SPHKAP: variants seen among roughly 807,000 people sequenced by gnomAD.
SPHKAP encodes A-kinase anchor protein SPHKAP.
A neutral mutation model predicts 137.5 loss-of-function variants in SPHKAP; 67 were observed. That is an observed-to-expected ratio of 0.49 (90% confidence interval 0.40 to 0.60). The LOEUF (loss-of-function observed/expected upper bound fraction) is 0.60. SPHKAP is among the 20% of genes least tolerant of loss of function. The probability of loss-of-function intolerance (pLI) is 0.00; values close to 1 mark genes in which losing one functional copy is unlikely to be tolerated. For synonymous variants in SPHKAP, 813 were observed against 785.3 expected, an observed-to-expected ratio of 1.04 and a Z score of -0.59; for missense variants, 2,097 against 2,069.3, an observed-to-expected ratio of 1.01 and a Z score of -0.26.
Position 228,022,004 on chromosome 2 carries a change from G to A in SPHKAP, c.442-38C>T, listed in dbSNP as rs550183283. On this transcript the variant is annotated intron_variant, in intron 5 of 11. Coordinates refer to ENST00000392056, the MANE Select transcript of SPHKAP (RefSeq NM_001142644.2). ...AGAAAAGAAGGCATTTATTCAAAAG[G>A]GAAAATAAAAGACTATTGCCTCTGA... 7.1e-5 allele frequency: 109 copies of A among 1,533,678 alleles called. No homozygotes were observed. The South Asian group carries it at 8.3e-4, about 12-fold the overall frequency.
Position 228,021,911 on chromosome 2 carries a change from T to A in SPHKAP, c.497A>T (p.Asn166Ile), listed in dbSNP as rs368288091. Residue 166 changes from asparagine to isoleucine, a missense_variant, in exon 6 of 12, where the codon AAC becomes ATC. Coordinates refer to ENST00000392056, the MANE Select transcript of SPHKAP (RefSeq NM_001142644.2). ...TTCAAAGATGATGCAGTTGGTACTG[T>A]TTGGTCTGTTCCCTCTTGCACATTG... ...LVQCARGNRP[N>I]STNCIIFEIN... 4 of 1,613,954 alleles carry A rather than the reference T, an allele frequency of 2.5e-6. No homozygotes were observed. Among genetic ancestry groups the A allele is most frequent in the Non-Finnish European group, 3.4e-6 (4 of 1,179,968 alleles).
intron 1 of SPHKAP, among the ~76,000 whole-genome samples, chr2:228,141,889 A>T (rs1454777079): frequency 1.3e-5 from 2 of 152,204 alleles, no homozygotes; most frequent in African/African-American, 4.8e-5. Context: ...TAATGGTTAC[A>T]TTAAAAATAT....
chr2:228,131,659 C>G, intron 2 of SPHKAP: 1 of 437,492 alleles, frequency 2.3e-6, no homozygotes, highest in Non-Finnish European at 3.0e-6. Context: ...TTGAGTCATT[C>G]AAAATGCATG....
chr2:228,092,571 A>G (rs1359598053), intron 3 of SPHKAP, among the ~76,000 whole-genome samples: 1 of 141,532 alleles, frequency 7.1e-6, no homozygotes, highest in East Asian at 2.1e-4. Context: ...TGCCATATAT[A>G]TGTGTATATT....
chr2:228,157,101 T>C (rs1265133714), intron 1 of SPHKAP, among the ~76,000 whole-genome samples: 1 of 152,040 alleles, frequency 6.6e-6, no homozygotes, highest in Non-Finnish European at 1.5e-5. Flanking sequence ...AGAAAAGCAA[T>C]AAAATAAATA....
intron 1 of SPHKAP, among the ~76,000 whole-genome samples, chr2:228,171,042 C>A (rs1018458831): frequency 6.6e-6 from 1 of 152,066 alleles, no homozygotes; most frequent in African/African-American, 2.4e-5. Context: ...GGACTTCTGG[C>A]AGCTGAAGTG....
chr2:228,154,882 A>G (rs1700063386), intron 1 of SPHKAP, among the ~76,000 whole-genome samples: 1 of 151,606 alleles, frequency 6.6e-6, no homozygotes. Context: ...TTTTAAGCCC[A>G]TTACCCATTC....
At position 228,017,305 on chromosome 2, in the gene SPHKAP, C is replaced by T; in HGVS notation, c.3549G>A (p.Lys1183=). 5 of 1,613,984 alleles carry T rather than the reference C, an allele frequency of 3.1e-6. No homozygotes were observed. The Middle Eastern group carries it at 6.6e-4, about 213-fold the overall frequency. The change falls in exon 7 of 12, where the codon AAG becomes AAA. Residue 1183 remains lysine (K), a synonymous_variant. Coordinates refer to ENST00000392056, the MANE Select transcript of SPHKAP (RefSeq NM_001142644.2). ...CAGTGATGCTCTCTGTGCTGGACTG[C>T]TTAGAGGGACAGCTAGGCCTCACAC... The part of the protein sequence containing the change: ...HLSVRPSCPS[K]QSSTESITEE...
intron 7 of SPHKAP, among the ~76,000 whole-genome samples, chr2:228,004,444 T>C (rs1382282700): frequency 2.0e-5 from 3 of 152,232 alleles, no homozygotes. Context: ...TATTCGATTC[T>C]TCTCTGTTCT....
chr2:228,139,543 C>A (rs1460891942), intron 1 of SPHKAP, among the ~76,000 whole-genome samples: 1 of 152,070 alleles, frequency 6.6e-6, no homozygotes, highest in East Asian at 1.9e-4. Context: ...AAGTTATTTC[C>A]TATGGTTTGA....
chr2:228,026,486 A>G (rs2106228627), intron 4 of SPHKAP, among the ~76,000 whole-genome samples: 1 of 152,266 alleles, frequency 6.6e-6, no homozygotes, highest in Admixed American at 6.5e-5. Context: ...AGGCCCAGTA[A>G]CTTGCACAGT....
chr2:228,138,996 T>C (rs1190952473), intron 1 of SPHKAP, among the ~76,000 whole-genome samples: 2 of 152,094 alleles, frequency 1.3e-5, no homozygotes, highest in African/African-American at 2.4e-5. Context: ...TAAGTGGCAA[T>C]AAAGAAAATA....
chr2:227,980,940 C>T lies in SPHKAP; in HGVS notation c.*777G>A, dbSNP rs530528215. 6.6e-6 allele frequency: 1 copy of T among 152,160 alleles called. No individual in the cohort carries two copies. Among genetic ancestry groups the T allele is most frequent in the Admixed American group, 6.6e-5 (1 of 15,262 alleles). 9.4% of individuals were successfully genotyped at this position (152,160 alleles called of 1,614,324 possible). On this transcript the variant is annotated 3_prime_UTR_variant, in exon 12 of 12. Transcript: ENST00000392056. ...CACAAGCAGATTTTATCTGAAAAGACTTTTTTTTAAATATGAAAGCTTTCT... is the reference window on the plus strand; with the variant it reads ...CACAAGCAGATTTTATCTGAAAAGATTTTTTTTTAAATATGAAAGCTTTCT...
At chr2:228,176,324 A>T (rs4246658) in intron 1 of SPHKAP, among the ~76,000 whole-genome samples, 1 of 152,182 alleles carries the variant, frequency 6.6e-6, no homozygotes, top group African/African-American at 2.4e-5. Context: ...GATTTCACCC[A>T]CCTCTTTCAA....
intron 3 of SPHKAP, among the ~76,000 whole-genome samples, chr2:228,046,885 G>A (rs1198496065): frequency 6.6e-6 from 1 of 152,150 alleles, no homozygotes; most frequent in Non-Finnish European, 1.5e-5. Flanking sequence ...GAGCATTGAA[G>A]TTTATCCTTT....
At chr2:228,044,786 A>G (rs1264885184) in intron 3 of SPHKAP, among the ~76,000 whole-genome samples, 1 of 152,212 alleles carries the variant, frequency 6.6e-6, no homozygotes, top group Non-Finnish European at 1.5e-5. Context: ...AGTTACTAAA[A>G]TAGAATCTGG....
At chr2:228,020,206 C>T in intron 6 of SPHKAP, 50 bp from the exon 7 acceptor site, 1 of 1,527,062 alleles carries the variant, frequency 6.5e-7, no homozygotes, top group Non-Finnish European at 8.7e-7. Context: ...TAGCAGGTTA[C>T]CATAAGTCTT....
At chr2:228,115,057 A>G (rs1698660945) in intron 2 of SPHKAP, among the ~76,000 whole-genome samples, 1 of 152,158 alleles carries the variant, frequency 6.6e-6, no homozygotes, top group South Asian at 2.1e-4. Flanking sequence ...TGGATGTATC[A>G]GGGCAGGTGG....
Position 228,134,730 on chromosome 2 carries a change from T to A in SPHKAP, c.33-2645A>T, listed in dbSNP as rs372776624. 1.8e-4 allele frequency among the ~76,000 whole-genome samples: 27 copies of A among 152,296 alleles called. 1 individual carries two copies. The highest frequency in any genetic ancestry group is 1.4e-3 in the Admixed American group (21 of 15,296). ...CTTCTAGGAGCCAGCCAAGGCCCTG[T>A]GTGCAGTTCAGAGAGACAGGATGTA... On this transcript the variant is annotated intron_variant, in intron 1 of 11. Transcript: ENST00000392056.
Sources: allele counts gnomAD v4.1 joint callset (sites outside exome capture counted in the v4.1 genomes callset), GRCh38; gene constraint gnomAD v4.1.1; transcripts MANE v1.5; gene names NCBI Gene and HGNC (gene_info 2026-07-23, HGNC 2026-07-21).